Variants in PRR16 observed in about 807,000 individuals in gnomAD.
The protein encoded by PRR16 is proline rich 16, also known as protein Largen.
A neutral mutation model predicts 18.2 loss-of-function variants in PRR16; 6 were observed. The ratio of observed to expected loss-of-function variants is 0.33; its 90% CI spans 0.18 to 0.65. The LOEUF is 0.65. PRR16 is among the 30% of genes least tolerant of loss of function. The pLI is 0.74. For synonymous variants in PRR16, 151 were observed against 147.8 expected (o/e 1.02, Z -0.16); for missense variants, 412 against 376.6 (o/e 1.09, Z -0.78).
At chr5:120,483,122 G>A (rs1749676718) in intron 1 of PRR16, among the ~76,000 whole-genome samples, 1 of 152,120 alleles carries the variant, frequency 6.6e-6, no homozygotes, top group Non-Finnish European at 1.5e-5. Flanking sequence ...AGTTGGCGAG[G>A]AGCTCTACTC....
intron 1 of PRR16, among the ~76,000 whole-genome samples, chr5:120,658,769 A>G (rs1344563325): frequency 2.0e-5 from 3 of 152,026 alleles, no homozygotes; most frequent in African/African-American, 7.2e-5. Context: ...TTCTAATTAT[A>G]TGAGAGTGAA....
chr5:120,650,704 C>G (rs896344360), intron 1 of PRR16, among the ~76,000 whole-genome samples: 3 of 152,072 alleles, frequency 2.0e-5, no homozygotes, highest in African/African-American at 7.2e-5. Flanking sequence ...ATATGTGCCA[C>G]GTTTTCTTAA....
intron 1 of PRR16, among the ~76,000 whole-genome samples, chr5:120,668,731 T>C (rs1207084547): frequency 3.9e-5 from 6 of 152,180 alleles, no homozygotes; most frequent in Non-Finnish European, 4.4e-5. Context: ...TTTGGCTGGA[T>C]ATGAAATTCT....
chr5:120,718,165 G>A, the PRR16 span, among the ~76,000 whole-genome samples: 24 of 152,070 alleles, frequency 1.6e-4, 1 homozygote, highest in Middle Eastern at 3.4e-3. Context: ...AAATTTTCCC[G>A]TCTAATGTTC....
At chr5:120,526,871 G>C (rs1431076797) in intron 1 of PRR16, among the ~76,000 whole-genome samples, 1 of 152,116 alleles carries the variant, frequency 6.6e-6, no homozygotes, top group Non-Finnish European at 1.5e-5. Flanking sequence ...TTACAGGTAT[G>C]AGCCATCACT....
chr5:120,572,051 G>A (rs985735467), intron 1 of PRR16, among the ~76,000 whole-genome samples: 22 of 152,148 alleles, frequency 1.4e-4, no homozygotes, highest in Non-Finnish European at 8.8e-5. Context: ...CAAGTATCCC[G>A]AAAGACCAGA....
chr5:120,679,816 A>C (rs548642826), intron 1 of PRR16, among the ~76,000 whole-genome samples: 5 of 152,242 alleles, frequency 3.3e-5, no homozygotes, highest in African/African-American at 7.2e-5. Context: ...CAAAAACAAC[A>C]AAATCAGTGG....
intron 1 of PRR16, among the ~76,000 whole-genome samples, chr5:120,626,983 T>A (rs994515474): frequency 1.3e-5 from 2 of 152,150 alleles, no homozygotes; most frequent in African/African-American, 4.8e-5. Flanking sequence ...TTTATCATGT[T>A]ATTATATTTA....
At chr5:120,680,733 A>G (rs965703117) in intron 1 of PRR16, among the ~76,000 whole-genome samples, 1 of 152,168 alleles carries the variant, frequency 6.6e-6, no homozygotes, top group Admixed American at 6.5e-5. Context: ...TTTTTACCAA[A>G]TCATTGAGTT....
chr5:120,728,726 C>T, the PRR16 span, among the ~76,000 whole-genome samples: 29 of 152,134 alleles, frequency 1.9e-4, no homozygotes, highest in Non-Finnish European at 1.5e-5. Context: ...GCAGGAGTAA[C>T]CTGCAGTCCA....
the PRR16 span, among the ~76,000 whole-genome samples, chr5:120,729,245 A>G: frequency 6.6e-6 from 1 of 152,132 alleles, no homozygotes; most frequent in South Asian, 2.1e-4. Flanking sequence ...AGTATCATAA[A>G]CATGGATGGT....
the PRR16 span, among the ~76,000 whole-genome samples, chr5:120,755,563 C>A: frequency 6.6e-6 from 1 of 152,034 alleles, no homozygotes; most frequent in Non-Finnish European, 1.5e-5. Context: ...AATATGATTT[C>A]ATCCATTTTT....
chr5:120,677,027 T>A (rs1756820307), intron 1 of PRR16, among the ~76,000 whole-genome samples: 1 of 152,204 alleles, frequency 6.6e-6, no homozygotes, highest in Non-Finnish European at 1.5e-5. Context: ...CAAGTAGAAT[T>A]CAATATAATT....
At chr5:120,553,973 T>G (rs1313654540) in intron 1 of PRR16, among the ~76,000 whole-genome samples, 1 of 151,952 alleles carries the variant, frequency 6.6e-6, no homozygotes, top group Non-Finnish European at 1.5e-5. Flanking sequence ...TAAATTCTGT[T>G]TTGTTTTGTC....
At chr5:120,600,997 A>G (rs1753963889) in intron 1 of PRR16, among the ~76,000 whole-genome samples, 1 of 152,008 alleles carries the variant, frequency 6.6e-6, no homozygotes, top group Non-Finnish European at 1.5e-5. Flanking sequence ...GGTTGATTCC[A>G]TGACTTTTCT....
chr5:120,705,838 C>A, the PRR16 span, among the ~76,000 whole-genome samples: 1 of 151,790 alleles, frequency 6.6e-6, no homozygotes, highest in Admixed American at 6.6e-5. Flanking sequence ...GAGCCTGGTA[C>A]AAGATGATGT....
chr5:120,725,307 T>G, the PRR16 span, among the ~76,000 whole-genome samples: 1 of 151,566 alleles, frequency 6.6e-6, no homozygotes, highest in Admixed American at 6.6e-5. Context: ...ATGTTGTTTT[T>G]TTTTTTTTTT....
At chr5:120,628,363 G>GT (rs1164523435) in intron 1 of PRR16, among the ~76,000 whole-genome samples, 2 of 152,042 alleles carry the variant, frequency 1.3e-5, no homozygotes, top group African/African-American at 2.4e-5. Context: ...TGGACTTAAT[G>GT]TAAAGCACAT....
chr5:120,538,648 T>C (rs898311366), intron 1 of PRR16, among the ~76,000 whole-genome samples: 2 of 152,216 alleles, frequency 1.3e-5, no homozygotes, highest in East Asian at 3.8e-4. Context: ...TACAGGTCTA[T>C]AGGGTGCTTT....
Sources: gnomAD v4.1 joint callset for allele counts (sites outside exome capture counted in the v4.1 genomes callset) on GRCh38, gnomAD v4.1.1 for gene constraint, MANE v1.5 for transcripts, NCBI Gene and HGNC (gene_info 2026-07-23, HGNC 2026-07-21) for gene names.